Variants in TBL1XR1 observed in about 807,000 individuals in gnomAD.
TBL1XR1 encodes the protein TBL1X/Y related 1.
A neutral mutation model predicts 66.9 loss-of-function variants in TBL1XR1; 5 were observed. That is an observed-to-expected ratio of 0.07 (90% CI 0.04 to 0.16). TBL1XR1 has a LOEUF of 0.16. TBL1XR1 is among the 10% of genes least tolerant of loss of function. The pLI, the probability that TBL1XR1 is intolerant of heterozygous loss-of-function variation, is 1.00. For synonymous variants in TBL1XR1, 210 were observed against 206.0 expected, an observed-to-expected ratio of 1.02 and a Z score of -0.17; for missense variants, 238 against 623.2, an observed-to-expected ratio of 0.38 and a Z score of 6.58.
intron 1 of TBL1XR1, among the ~76,000 whole-genome samples, chr3:177,186,988 A>G (rs929662166): frequency 1.3e-5 from 2 of 151,998 alleles, no homozygotes; most frequent in Non-Finnish European, 2.9e-5. Context: ...AACAGGATGA[A>G]ACCCCGTCTC....
intron 1 of TBL1XR1, among the ~76,000 whole-genome samples, chr3:177,161,783 C>CAAA (rs35673622): frequency 7.8e-6 from 1 of 128,896 alleles, no homozygotes; most frequent in African/African-American, 3.1e-5. Context: ...GACTCTGACT[C>CAAA]AAAAAAAAAA....
chr3:177,178,021 T>C (rs2108955807), intron 1 of TBL1XR1, among the ~76,000 whole-genome samples: 1 of 152,244 alleles, frequency 6.6e-6, no homozygotes, highest in East Asian at 1.9e-4. Context: ...TGAGAGGGAA[T>C]GACATAAAAG....
At chr3:177,097,169 G>C (rs900874176) in intron 2 of TBL1XR1, among the ~76,000 whole-genome samples, 1 of 152,132 alleles carries the variant, frequency 6.6e-6, no homozygotes, top group Admixed American at 6.5e-5. Flanking sequence ...CTTTCAGACT[G>C]ATACATCATT....
At chr3:177,107,558 G>C (rs1373341387) in intron 1 of TBL1XR1, among the ~76,000 whole-genome samples, 1 of 152,010 alleles carries the variant, frequency 6.6e-6, no homozygotes, top group Non-Finnish European at 1.5e-5. Flanking sequence ...ATCCGGTGTT[G>C]GTTTGCCAAA....
intron 2 of TBL1XR1, among the ~76,000 whole-genome samples, chr3:177,089,958 T>C (rs1034700860): frequency 3.3e-5 from 5 of 152,244 alleles, no homozygotes; most frequent in African/African-American, 7.2e-5. Context: ...AAAGACATCA[T>C]ATATACTGTC....
chr3:177,181,908 A>G (rs543766282), intron 1 of TBL1XR1, among the ~76,000 whole-genome samples: 7 of 152,286 alleles, frequency 4.6e-5, no homozygotes, highest in East Asian at 3.9e-4. Flanking sequence ...GCAAGCCCAA[A>G]TAACACCCCA....
intron 3 of TBL1XR1, among the ~76,000 whole-genome samples, chr3:177,057,599 G>A (rs570159276): frequency 6.6e-6 from 1 of 152,250 alleles, no homozygotes; most frequent in East Asian, 1.9e-4. Flanking sequence ...TGTGCCAGAA[G>A]CTATTTCCAT....
chr3:177,026,869 A>G (rs1347653654), intron 14 of TBL1XR1: 2 of 160,612 alleles, frequency 1.2e-5, no homozygotes, highest in African/African-American at 4.8e-5. Flanking sequence ...AATTTCTTTG[A>G]CAAAACATCT....
At chr3:177,068,755 C>T (rs1430881394) in intron 2 of TBL1XR1, among the ~76,000 whole-genome samples, 7 of 151,904 alleles carry the variant, frequency 4.6e-5, no homozygotes, top group Non-Finnish European at 8.8e-5. Context: ...CTGTGATCCT[C>T]GATTACATAA....
rs567307793 is a variant in TBL1XR1, at chr3:177,177,875, T to TA, written c.-122+19245dup. On this transcript the variant is annotated intron_variant, in intron 1 of 15. Transcript: ENST00000457928. The stretch of plus-strand genomic sequence containing the variant: ...GCAGTTTAAATTCTGGAGGGACGTT[T>TA]AAAAAAAAAAACAATGATCAAAGTT... Among the ~76,000 whole-genome samples the TA allele has an allele frequency of 4.0e-3, 578 of 146,074 alleles. 1 individual carries two copies. The highest frequency in any genetic ancestry group is 0.011 in the African/African-American group (442 of 39,872).
intron 3 of TBL1XR1, 143 bp from the exon 4 acceptor site, chr3:177,054,061 T>TGCGC (rs1553817760): frequency 7.3e-6 from 5 of 684,390 alleles, no homozygotes; most frequent in Non-Finnish European, 1.2e-5. Flanking sequence ...TGTGTGTGTG[T>TGCGC]GTGTGTGTGT....
intron 2 of TBL1XR1, among the ~76,000 whole-genome samples, chr3:177,086,347 C>T (rs1282544769): frequency 6.6e-6 from 1 of 151,800 alleles, no homozygotes; most frequent in Non-Finnish European, 1.5e-5. Flanking sequence ...AGTCTTATGT[C>T]CAAGTGTTCA....
intron 14 of TBL1XR1, among the ~76,000 whole-genome samples, chr3:177,031,718 G>C (rs759725561): frequency 2.7e-5 from 4 of 149,604 alleles, no homozygotes; most frequent in Non-Finnish European, 5.9e-5. Flanking sequence ...TTGGGCCCAG[G>C]AGTTCAAGGC....
intron 1 of TBL1XR1, among the ~76,000 whole-genome samples, chr3:177,192,948 T>C (rs1736351235): frequency 6.6e-6 from 1 of 151,382 alleles, no homozygotes. Context: ...AGGTCAGGAG[T>C]TCGAGACCAG....
chr3:177,023,042 AGAT>A lies in TBL1XR1; in HGVS notation c.*2453_*2455del, dbSNP rs1712597500. ...AAAAAAAAGAAAAAAAAAACAGAAA[AGAT>A]GACAATATCATAAAAATGTAGCTGT... On this transcript the variant is annotated 3_prime_UTR_variant, in exon 16 of 16. Coordinates refer to ENST00000457928, the MANE Select transcript of TBL1XR1 (RefSeq NM_024665.7). 1 of 152,422 alleles carries A rather than the reference AGAT, an allele frequency of 6.6e-6. No individual in the cohort carries two copies. The highest frequency in any genetic ancestry group is 6.6e-5 in the Admixed American group (1 of 15,264). The allele number at this position is 152,422 out of a possible 1,614,324, so 9.4% of individuals were successfully genotyped here.
At chr3:177,075,908 C>G (rs1720640890) in intron 2 of TBL1XR1, among the ~76,000 whole-genome samples, 4 of 152,148 alleles carry the variant, frequency 2.6e-5, no homozygotes, top group Admixed American at 2.6e-4. Context: ...AAGGAGGGGT[C>G]TGTTCCAGGC....
At chr3:177,182,975 A>C (rs1335099149) in intron 1 of TBL1XR1, among the ~76,000 whole-genome samples, 2 of 151,952 alleles carry the variant, frequency 1.3e-5, no homozygotes, top group Non-Finnish European at 2.9e-5. Context: ...TCCCTCCAAA[A>C]CTCTTAAATT....
intron 3 of TBL1XR1, among the ~76,000 whole-genome samples, chr3:177,059,346 C>T (rs1441182920): frequency 1.3e-5 from 2 of 152,056 alleles, no homozygotes; most frequent in African/African-American, 4.8e-5. Flanking sequence ...TGTGAAACTG[C>T]TACAATGAAA....
rs531104932 is a variant in TBL1XR1 at position 177,046,524 on chromosome 3, G to C, written c.865-335C>G. On this transcript the variant is annotated intron_variant, in intron 9 of 15. Transcript: ENST00000457928. ...AGACTCGTATAGATGTTTAGTAAGA[G>C]AGAAGTTCTTGGTTAACAACGTAAT... Among the ~76,000 whole-genome samples, 5 of 152,208 alleles carry C rather than the reference G, an allele frequency of 3.3e-5. No homozygotes were observed. The East Asian group carries it at 7.7e-4, about 23-fold the overall frequency.
Sources: gnomAD v4.1 joint callset for allele counts (sites outside exome capture counted in the v4.1 genomes callset) on GRCh38, gnomAD v4.1.1 for gene constraint, MANE v1.5 for transcripts, NCBI Gene and HGNC (gene_info 2026-07-23, HGNC 2026-07-21) for gene names.